Variants in MATN2 observed in about 807,000 individuals in gnomAD.
The protein encoded by MATN2 is matrilin-2.
Under a neutral mutation model 103.2 loss-of-function variants are expected in MATN2, and 69 were observed. That is an observed-to-expected ratio of 0.67 (90% CI 0.55 to 0.82). MATN2 has a LOEUF of 0.82. Among genes scored for constraint, MATN2 ranks in the 40% least tolerant of loss-of-function variants. The probability of loss-of-function intolerance (pLI) is 0.00; values close to 1 mark genes in which losing one functional copy is unlikely to be tolerated. For missense variants in MATN2, 1,023 were observed against 1,211.5 expected (o/e 0.84, Z 2.31); for synonymous variants, 429 against 450.2 (o/e 0.95, Z 0.60).
intron 1 of MATN2, among the ~76,000 whole-genome samples, chr8:97,886,934 C>G (rs1014334254): frequency 6.6e-6 from 1 of 150,950 alleles, no homozygotes; most frequent in Non-Finnish European, 1.5e-5. Flanking sequence ...GGGTCTCGTG[C>G]TGTCACCCAG....
intron 3 of MATN2, among the ~76,000 whole-genome samples, chr8:97,933,644 T>C (rs1015043567): frequency 1.3e-5 from 2 of 151,976 alleles, no homozygotes; most frequent in African/African-American, 4.8e-5. Flanking sequence ...TTTGGACTTT[T>C]CCTCCCTTCA....
chr8:97,894,323 CTTTTTTTTTTT>C (rs58988866), intron 2 of MATN2, among the ~76,000 whole-genome samples: 2 of 59,236 alleles, frequency 3.4e-5, no homozygotes, highest in East Asian at 5.8e-4. Context: ...AAGAATTCAC[CTTTTTTTTTTT>C]TTTTTTTTTT....
chr8:98,033,881 G>A (rs953044779), intron 18 of MATN2: 2 of 535,082 alleles, frequency 3.7e-6, no homozygotes, highest in South Asian at 2.3e-5. Flanking sequence ...AGTTGCCATC[G>A]GCTGTTCTCG....
intron 2 of MATN2, among the ~76,000 whole-genome samples, chr8:97,929,013 G>A (rs1467835334): frequency 6.6e-6 from 1 of 152,108 alleles, no homozygotes; most frequent in Non-Finnish European, 1.5e-5. Flanking sequence ...TCTTATCGCT[G>A]AACCCTCAAA....
In MATN2 at chr8:97,966,157, C is replaced by CAA. The variant is rs545924613; in HGVS notation, c.958+4636_958+4637dup. ...TGGGCGACACAGCAAGACCTTGTCT[C>CAA]AAAAAAAAAATAAATGAATAAAATT... On this transcript the variant is annotated intron_variant, in intron 5 of 18. Transcript: ENST00000254898. 4.9e-4 allele frequency among the ~76,000 whole-genome samples: 72 copies of CAA among 145,804 alleles called. 1 individual carries two copies. In the South Asian group the frequency reaches 0.015, roughly 30 times the overall value.
At chr8:97,939,371 GA>G (rs1485519508) in intron 3 of MATN2, among the ~76,000 whole-genome samples, 1 of 151,994 alleles carries the variant, frequency 6.6e-6, no homozygotes, top group African/African-American at 2.4e-5. Context: ...GCACAGAAAT[GA>G]AAAAACAAAC....
chr8:98,016,512 G>C (rs1363585660), intron 10 of MATN2, 28 bp from the exon 11 acceptor site: 1 of 1,589,242 alleles, frequency 6.3e-7, no homozygotes, highest in Non-Finnish European at 8.6e-7. Context: ...TTCTTCTTCT[G>C]TTTCTCTAAT....
At chr8:97,946,640 A>G (rs1810760541) in intron 4 of MATN2, among the ~76,000 whole-genome samples, 1 of 152,200 alleles carries the variant, frequency 6.6e-6, no homozygotes, top group African/African-American at 2.4e-5. Flanking sequence ...TTTCAAAATA[A>G]GGAATTTTCC....
At chr8:97,991,956 G>C (rs1812405271) in intron 6 of MATN2, among the ~76,000 whole-genome samples, 1 of 152,146 alleles carries the variant, frequency 6.6e-6, no homozygotes, top group Non-Finnish European at 1.5e-5. Flanking sequence ...AAGCAGATAT[G>C]AAAACGAGAT....
Position 98,007,228 on chromosome 8 carries a change from G to GT in MATN2, c.1450+2dup. 1 of 1,613,868 alleles carries GT rather than the reference G, an allele frequency of 6.2e-7. No individual in the cohort carries two copies. The highest frequency in any genetic ancestry group is 2.2e-5 in the East Asian group (1 of 44,872). On this transcript the variant is annotated splice_donor_variant, in intron 9 of 18. Coordinates refer to ENST00000254898, the MANE Select transcript of MATN2 (RefSeq NM_002380.5). LOFTEE classifies it high-confidence loss of function. This position sits in a 1 kb window ranked among gnomAD's most constrained non-coding sequence, Gnocchi z 4.2. ...AACGAGGACCTCAAGACCTGCTCCC[G>GT]TGAGTCCCTCCGCGCTCCTCTCATA...
chr8:97,960,254 G>A (rs1428411637), intron 4 of MATN2, among the ~76,000 whole-genome samples: 1 of 152,148 alleles, frequency 6.6e-6, no homozygotes, highest in African/African-American at 2.4e-5. Context: ...ACCACGCCCG[G>A]CCAGTGATAG....
chr8:98,019,043 C>CAT (rs987600553), intron 12 of MATN2, among the ~76,000 whole-genome samples: 6 of 148,374 alleles, frequency 4.0e-5, no homozygotes, highest in East Asian at 2.0e-4. Context: ...TAATAGAAGA[C>CAT]ATATATATAA....
chr8:97,940,259 G>A (rs4735515), intron 3 of MATN2, among the ~76,000 whole-genome samples: 43,348 of 151,980 alleles, frequency 0.29, 6,732 homozygotes, highest in South Asian at 0.5. Context: ...GGGCAACATA[G>A]TAAGACATCA....
chr8:97,904,673 T>C (rs1819103166), intron 2 of MATN2, among the ~76,000 whole-genome samples: 1 of 152,182 alleles, frequency 6.6e-6, no homozygotes, highest in African/African-American at 2.4e-5. Flanking sequence ...GTAGATTTTA[T>C]AATCAGTCTC....
At chr8:97,914,970 G>A (rs770867909) in intron 2 of MATN2, among the ~76,000 whole-genome samples, 11 of 152,016 alleles carry the variant, frequency 7.2e-5, no homozygotes, top group Non-Finnish European at 2.9e-5. Flanking sequence ...CTAGTCACTC[G>A]TCCTTTTTTG....
At chr8:97,875,876 T>C (rs1293050439) in intron 1 of MATN2, among the ~76,000 whole-genome samples, 1 of 151,694 alleles carries the variant, frequency 6.6e-6, no homozygotes, top group Non-Finnish European at 1.5e-5. Context: ...TTTGTATTTT[T>C]AGTAGAGATG....
intron 11 of MATN2, 121 bp from the exon 12 acceptor site, chr8:98,017,873 C>A: frequency 9.2e-7 from 1 of 1,085,638 alleles, no homozygotes; most frequent in Non-Finnish European, 1.4e-6. Context: ...GCCCCATGGA[C>A]CACTGAGCTC....
intron 1 of MATN2, among the ~76,000 whole-genome samples, chr8:97,873,546 G>C (rs1817968175): frequency 6.6e-6 from 1 of 151,958 alleles, no homozygotes; most frequent in South Asian, 2.1e-4. Context: ...TGGCCAGGCT[G>C]GTCTCAAACT....
At position 97,888,085 on chromosome 8, in the gene MATN2, C is replaced by G. The variant is rs936423497; in HGVS notation, c.-16C>G. On this transcript the variant is annotated 5_prime_UTR_variant, in exon 2 of 19. Coordinates refer to ENST00000254898, the MANE Select transcript of MATN2 (RefSeq NM_002380.5). The stretch of plus-strand genomic sequence containing the variant: ...TTGTGTTTGTCACAGCCTTGCCCCT[C>G]TTGCTCGCCTTGAAAATGGAAAAGA... 4.4e-6 allele frequency: 7 copies of G among 1,607,462 alleles called. No individual in the cohort carries two copies. Among genetic ancestry groups the G allele is most frequent in the African/African-American group, 4.0e-5 (3 of 74,506 alleles).
Sources: gnomAD v4.1 joint callset for allele counts (sites outside exome capture counted in the v4.1 genomes callset) on GRCh38, gnomAD v4.1.1 for gene constraint, Gnocchi (gnomAD v3.1) non-coding constraint, MANE v1.5 for transcripts, NCBI Gene and HGNC (gene_info 2026-07-23, HGNC 2026-07-21) for gene names.